Variants in EYS observed in about 807,000 individuals in gnomAD.
The protein encoded by EYS is EGF-like photoreceptor maintenance factor, also known as protein eyes shut homolog.
EYS carries 250 observed loss-of-function variants against 282.1 expected under a neutral mutation model. That is an observed-to-expected ratio of 0.89 (90% CI 0.80 to 0.98). EYS has a LOEUF of 0.98. Among genes scored for constraint, EYS ranks in the 50% least tolerant of loss-of-function variants. EYS has a pLI of 0.00. For missense variants in EYS, 4,016 were observed against 3,709.0 expected, an observed-to-expected ratio of 1.08 and a Z score of -2.15; for synonymous variants, 1,355 against 1,282.9, an observed-to-expected ratio of 1.06 and a Z score of -1.20.
Position 63,805,888 on chromosome 6 carries a change from T to C in EYS, c.7411+302A>G, listed in dbSNP as rs1770893505. 1.3e-5 allele frequency among the ~76,000 whole-genome samples: 2 copies of C among 152,326 alleles called. 1 individual carries two copies. The highest frequency in any genetic ancestry group is 4.1e-4 in the South Asian group (2 of 4,830). On this transcript the variant is annotated intron_variant, in intron 37 of 42. Transcript: ENST00000503581. ...AAATTTCCGGAGGCCTCCCCAGCCATGCTGAACAGTGAGTCAATTAAACTT... is the reference window on the plus strand; with the variant it reads ...AAATTTCCGGAGGCCTCCCCAGCCACGCTGAACAGTGAGTCAATTAAACTT...
intron 26 of EYS, among the ~76,000 whole-genome samples, chr6:64,503,527 G>A (rs1777119220): frequency 6.6e-6 from 1 of 152,126 alleles, no homozygotes; most frequent in Admixed American, 6.5e-5. Flanking sequence ...GGTTTCATGG[G>A]TTTATAGGTA....
At chr6:64,302,390 C>A (rs1224488345) in intron 30 of EYS, among the ~76,000 whole-genome samples, 1 of 152,298 alleles carries the variant, frequency 6.6e-6, no homozygotes, top group South Asian at 2.1e-4. Context: ...TTACACACAT[C>A]CCTAAATTTG....
At chr6:65,428,552 G>C (rs1269179026) in intron 5 of EYS, among the ~76,000 whole-genome samples, 1 of 151,664 alleles carries the variant, frequency 6.6e-6, no homozygotes, top group Admixed American at 6.6e-5. Context: ...ATCCAAGCTG[G>C]AATTGTATGC....
intron 22 of EYS, among the ~76,000 whole-genome samples, chr6:64,647,140 G>C (rs13202049): frequency 0.2 from 29,685 of 152,034 alleles, 3,425 homozygotes; most frequent in East Asian, 0.35. Context: ...CTGTATGTCC[G>C]AAAACATCTC....
chr6:64,428,377 A>T (rs1774475657), intron 28 of EYS, among the ~76,000 whole-genome samples: 1 of 152,138 alleles, frequency 6.6e-6, no homozygotes, highest in Admixed American at 6.5e-5. Context: ...CTTGGCAAAG[A>T]TAAGAGAAAA....
chr6:64,152,993 TTATCTCA>T (rs1444728942), intron 31 of EYS, among the ~76,000 whole-genome samples: 1 of 152,192 alleles, frequency 6.6e-6, no homozygotes, highest in Non-Finnish European at 1.5e-5. Context: ...TTGCAAAGCC[TTATCTCA>T]CATCTCAGTG....
intron 12 of EYS, among the ~76,000 whole-genome samples, chr6:65,090,022 C>T (rs1445328610): frequency 6.6e-6 from 1 of 150,554 alleles, no homozygotes; most frequent in Non-Finnish European, 1.5e-5. Flanking sequence ...CACACACACA[C>T]TTTGGGGGAC....
intron 2 of EYS, among the ~76,000 whole-genome samples, chr6:65,589,994 A>G (rs1022123890): frequency 2.6e-5 from 4 of 152,070 alleles, no homozygotes; most frequent in Admixed American, 1.3e-4. Context: ...AAGCAAAACC[A>G]TTGGCAAAAT....
Position 64,459,257 on chromosome 6 carries a change from A to G in EYS, c.5645-19905T>C, listed in dbSNP as rs79749093. Among the ~76,000 whole-genome samples, 624 of 152,330 alleles carry G rather than the reference A, an allele frequency of 4.1e-3. 5 individuals carry two copies. The highest frequency in any genetic ancestry group is 0.014 in the African/African-American group (590 of 41,582). ...GAATACGTAAAGAATATCATAGGCT[A>G]TACAGAGTTTCATAAATAGGCTGGA... On this transcript the variant is annotated intron_variant, in intron 26 of 42. Coordinates refer to ENST00000503581, the MANE Select transcript of EYS (RefSeq NM_001142800.2).
intron 2 of EYS, among the ~76,000 whole-genome samples, chr6:65,560,979 T>A (rs992729310): frequency 4.6e-5 from 7 of 152,096 alleles, no homozygotes; most frequent in African/African-American, 1.7e-4. Context: ...TATTTTTTCA[T>A]CATCTCTTAT....
chr6:65,105,360 T>A (rs1775006182), intron 12 of EYS, among the ~76,000 whole-genome samples: 1 of 151,810 alleles, frequency 6.6e-6, no homozygotes, highest in Non-Finnish European at 1.5e-5. Context: ...AAAATTGTAA[T>A]TATATAAAAC....
At chr6:64,818,603 C>T (rs1409029013) in intron 21 of EYS, among the ~76,000 whole-genome samples, 1 of 152,118 alleles carries the variant, frequency 6.6e-6, no homozygotes, top group Non-Finnish European at 1.5e-5. Flanking sequence ...CCTGACAAAC[C>T]ACTGGTGGAA....
At chr6:64,863,710 T>C (rs1246949093) in intron 19 of EYS, among the ~76,000 whole-genome samples, 3 of 152,168 alleles carry the variant, frequency 2.0e-5, no homozygotes, top group African/African-American at 7.2e-5. Context: ...TATTCATCTT[T>C]CAACACTCTG....
intron 35 of EYS, among the ~76,000 whole-genome samples, chr6:63,924,522 T>G (rs1337946539): frequency 1.3e-5 from 2 of 152,210 alleles, no homozygotes; most frequent in Non-Finnish European, 2.9e-5. Context: ...CAATGCAAGG[T>G]GTGCTAACAA....
chr6:65,319,195 C>G (rs1474503093), intron 11 of EYS, among the ~76,000 whole-genome samples: 2 of 42,272 alleles, frequency 4.7e-5, no homozygotes, highest in African/African-American at 2.8e-4. Context: ...CCCGTCTCTA[C>G]TAAAAATGCA....
chr6:65,257,936 T>G (rs1262580794), intron 12 of EYS, among the ~76,000 whole-genome samples: 1 of 151,894 alleles, frequency 6.6e-6, no homozygotes, highest in African/African-American at 2.4e-5. Context: ...GATAGCATGA[T>G]CAGGTGACTG....
intron 18 of EYS, among the ~76,000 whole-genome samples, chr6:64,888,894 A>G (rs1221131277): frequency 2.0e-5 from 3 of 152,110 alleles, no homozygotes; most frequent in Non-Finnish European, 4.4e-5. Flanking sequence ...TAGCAGTGAA[A>G]GGTATCTCAA....
intron 22 of EYS, among the ~76,000 whole-genome samples, chr6:64,780,334 G>A (rs1773819960): frequency 6.6e-6 from 1 of 152,072 alleles, no homozygotes; most frequent in African/African-American, 2.4e-5. Flanking sequence ...ATGGTAGATG[G>A]GATTTTTAAA....
At chr6:64,662,901 T>C (rs1229110069) in intron 22 of EYS, among the ~76,000 whole-genome samples, 1 of 152,132 alleles carries the variant, frequency 6.6e-6, no homozygotes, top group Non-Finnish European at 1.5e-5. Flanking sequence ...CCACCCCATT[T>C]TTGAGAATTA....
Sources: allele counts gnomAD v4.1 joint callset (sites outside exome capture counted in the v4.1 genomes callset), GRCh38; gene constraint gnomAD v4.1.1; transcripts MANE v1.5; gene names NCBI Gene and HGNC (gene_info 2026-07-23, HGNC 2026-07-21).